The following IGSF11 variants were observed in gnomAD, a reference collection of about 807,000 sequenced individuals.
The protein encoded by IGSF11 is CXADR like 1.
IGSF11 carries 22 observed loss-of-function variants against 41.0 expected under a neutral mutation model. That is an observed-to-expected ratio of 0.54 (90% CI 0.38 to 0.77). The LOEUF (loss-of-function observed/expected upper bound fraction) is 0.77. Ranked by LOEUF, IGSF11 falls within the 30% of genes least tolerant of loss-of-function variation. The probability of loss-of-function intolerance (pLI) is 0.00; values close to 1 mark genes in which losing one functional copy is unlikely to be tolerated. For synonymous variants in IGSF11, 219 were observed against 201.3 expected, an observed-to-expected ratio of 1.09 and a Z score of -0.74; for missense variants, 444 against 530.8, an observed-to-expected ratio of 0.84 and a Z score of 1.61.
intron 1 of IGSF11, among the ~76,000 whole-genome samples, chr3:119,069,586 G>C (rs556728999): frequency 6.6e-6 from 1 of 151,970 alleles, no homozygotes; most frequent in African/African-American, 2.4e-5. Flanking sequence ...CAAGTAGCAG[G>C]GTAGGTGATA....
intron 1 of IGSF11, among the ~76,000 whole-genome samples, chr3:119,004,837 A>C (rs992048683): frequency 6.6e-6 from 1 of 151,990 alleles, no homozygotes; most frequent in African/African-American, 2.4e-5. Flanking sequence ...ATAGTTTGTT[A>C]TAATTTCTGT....
intron 1 of IGSF11, among the ~76,000 whole-genome samples, chr3:119,006,292 C>A (rs1187805158): frequency 9.1e-6 from 1 of 109,840 alleles, no homozygotes; most frequent in Non-Finnish European, 1.7e-5. Flanking sequence ...ACGTAGTTCT[C>A]GAGCCTTGGT....
intron 1 of IGSF11, among the ~76,000 whole-genome samples, chr3:119,067,355 A>AT (rs150949456): frequency 0.21 from 32,281 of 152,070 alleles, 4,430 homozygotes; most frequent in African/African-American, 0.38. Context: ...TGAGCTTCCC[A>AT]TTCTTCAGTT....
intron 1 of IGSF11, among the ~76,000 whole-genome samples, chr3:119,023,262 CAAAAAAAAAAAAAAAA>C (rs3049118): frequency 5.0e-5 from 3 of 60,264 alleles, no homozygotes; most frequent in East Asian, 6.0e-4. Context: ...GACTCCGTCT[CAAAAAAAAAAAAAAAA>C]AAAAAAAAAA....
At chr3:118,932,639 C>T (rs1576406468) in intron 1 of IGSF11, among the ~76,000 whole-genome samples, 2 of 152,244 alleles carry the variant, frequency 1.3e-5, no homozygotes, top group Non-Finnish European at 2.9e-5. Flanking sequence ...GATCATGGAG[C>T]AGGCAATGAA....
At chr3:119,085,957 G>A (rs1229059335) in intron 1 of IGSF11, among the ~76,000 whole-genome samples, 3 of 152,198 alleles carry the variant, frequency 2.0e-5, no homozygotes, top group East Asian at 1.9e-4. Flanking sequence ...TGAGCAAAGC[G>A]GCTCTAAGGC....
At chr3:118,924,968 G>A (rs1425004788) in intron 4 of IGSF11, among the ~76,000 whole-genome samples, 1 of 152,148 alleles carries the variant, frequency 6.6e-6, no homozygotes, top group African/African-American at 2.4e-5. Flanking sequence ...TTACAATGGT[G>A]AGATTGACAA....
chr3:119,017,069 G>A (rs1435666), intron 1 of IGSF11, among the ~76,000 whole-genome samples: 28,749 of 147,714 alleles, frequency 0.19, 3,334 homozygotes, highest in African/African-American at 0.32. Flanking sequence ...CCAACTATGG[G>A]GCCAACTTCA....
At chr3:119,109,530 C>T (rs1237544868), upstream of IGSF11, among the ~76,000 whole-genome samples, 13 of 152,014 alleles carry the variant, frequency 8.6e-5, no homozygotes, top group Admixed American at 5.9e-4. Flanking sequence ...TTGATCCTTT[C>T]GAAAAACCAG....
At chr3:119,053,064 C>T (rs56132193) in intron 1 of IGSF11, among the ~76,000 whole-genome samples, 2,815 of 152,218 alleles carry the variant, frequency 0.018, 79 homozygotes, top group African/African-American at 0.063. Context: ...AAGTTGAAAG[C>T]TTTCCCCCTG....
In IGSF11 at chr3:119,073,505, G is replaced by T. The variant is rs557443570; in HGVS notation, c.49+31639C>A. 2.0e-5 allele frequency among the ~76,000 whole-genome samples: 3 copies of T among 152,334 alleles called. No individual in the cohort carries two copies. The South Asian group carries it at 6.2e-4, about 32-fold the overall frequency. The stretch of plus-strand genomic sequence containing the variant: ...CAGGCCGCATGGGAGCCCACCGTGG[G>T]GGGGCTCGGGCATGGTGGGCTGCAG... On this transcript the variant is annotated intron_variant, in intron 1 of 6. Coordinates refer to the IGSF11 transcript ENST00000354673.
rs565654287 is a variant in IGSF11, at chr3:119,128,473, A to G, written c.-14+17340T>C. On this transcript the variant is annotated intron_variant, in intron 1 of 7. Coordinates refer to the IGSF11 transcript ENST00000425327. ...GACACAGACTGGCAAAAAAGGAGTC[A>G]AGACCCATTGGCGTGCTGTATTCAG... 2.1e-4 allele frequency among the ~76,000 whole-genome samples: 32 copies of G among 152,326 alleles called. 1 individual carries two copies. Among genetic ancestry groups the G allele is most frequent in the Admixed American group, 2.1e-3 (32 of 15,292 alleles).
At chr3:119,115,571 A>G (rs568029734) in intron 1 of IGSF11, among the ~76,000 whole-genome samples, 21 of 152,024 alleles carry the variant, frequency 1.4e-4, no homozygotes, top group African/African-American at 4.3e-4. Flanking sequence ...GTCTATTCAG[A>G]TTGTTTGCCC....
chr3:119,117,140 C>A (rs1326886811), intron 1 of IGSF11, among the ~76,000 whole-genome samples: 11 of 151,206 alleles, frequency 7.3e-5, no homozygotes, highest in Non-Finnish European at 1.6e-4. Flanking sequence ...ATGCAATGGG[C>A]AGGAAGAACC....
chr3:119,049,723 G>T (rs1330956328), intron 1 of IGSF11, among the ~76,000 whole-genome samples: 17 of 152,194 alleles, frequency 1.1e-4, no homozygotes, highest in Admixed American at 5.2e-4. Context: ...AAAGCTGGAG[G>T]CATCACACTA....
chr3:118,999,054 G>A (rs1206428616), intron 1 of IGSF11, among the ~76,000 whole-genome samples: 2 of 151,756 alleles, frequency 1.3e-5, no homozygotes, highest in African/African-American at 2.4e-5. Flanking sequence ...GTGCACTGGG[G>A]AATATGTAAA....
Position 118,903,810 on chromosome 3 carries a change from G to A in IGSF11, c.854+838C>T, listed in dbSNP as rs181592486. Among the ~76,000 whole-genome samples the A allele has an allele frequency of 2.1e-4, 32 of 152,292 alleles. No individual in the cohort carries two copies. The East Asian group carries it at 5.8e-3, about 28-fold the overall frequency. On this transcript the variant is annotated intron_variant, in intron 6 of 6. Coordinates refer to ENST00000393775, the MANE Select transcript of IGSF11 (RefSeq NM_001015887.3). ...GCAAGAATGTTTACGAGTCTGAAAG[G>A]TTAGGCAAGGGGCTAAAGACAACTT...
intron 1 of IGSF11, among the ~76,000 whole-genome samples, chr3:119,019,562 C>T (rs1939086198): frequency 6.6e-6 from 1 of 151,936 alleles, no homozygotes; most frequent in South Asian, 2.1e-4. Flanking sequence ...TACTTCAAGA[C>T]AGTATCTTCC....
chr3:119,046,819 A>G (rs1433169875), intron 1 of IGSF11, among the ~76,000 whole-genome samples: 6 of 151,280 alleles, frequency 4.0e-5, no homozygotes, highest in African/African-American at 4.8e-5. Context: ...CCTACAAGCC[A>G]GAAGAGAGTG....
Sources: gnomAD v4.1 joint callset for allele counts (sites outside exome capture counted in the v4.1 genomes callset) on GRCh38, gnomAD v4.1.1 for gene constraint, MANE v1.5 for transcripts, NCBI Gene and HGNC (gene_info 2026-07-23, HGNC 2026-07-21) for gene names.